Variants in APOBEC3B observed in about 807,000 individuals in gnomAD.
APOBEC3B encodes DNA dC->dU-editing enzyme APOBEC-3B.
APOBEC3B carries 29 observed loss-of-function variants against 53.4 expected under a neutral mutation model. The observed-to-expected ratio is 0.54, with a 90% confidence interval of 0.40 to 0.74. The LOEUF (loss-of-function observed/expected upper bound fraction) is 0.74, where lower values mean the gene tolerates loss of function less well. Ranked by LOEUF, APOBEC3B falls within the 30% of genes least tolerant of loss-of-function variation. The pLI, the probability that APOBEC3B is intolerant of heterozygous loss-of-function variation, is 0.00. For missense variants in APOBEC3B, 347 were observed against 496.2 expected (o/e 0.70, Z 2.86); for synonymous variants, 132 against 184.8 (o/e 0.71, Z 2.32).
chr22:38,983,859 C>T (rs181462591), intron 1 of APOBEC3B, among the ~76,000 whole-genome samples: 2 of 148,144 alleles, frequency 1.4e-5, no homozygotes, highest in Admixed American at 6.9e-5. Flanking sequence ...AGAGTTGGAC[C>T]CGAGCTGGGA....
rs546959906 is a variant in APOBEC3B at position 38,983,646 on chromosome 22, C to A, written c.18-429C>A. On this transcript the variant is annotated intron_variant, in intron 1 of 7. Transcript: ENST00000333467. ...ACCCGCTCAGCACTTAGAAGAGTGG[C>A]CTGGGCCTCAGAATTCAGTTCTACC... 1.3e-3 allele frequency among the ~76,000 whole-genome samples: 194 copies of A among 149,270 alleles called. 12 individuals carry two copies. The highest frequency in any genetic ancestry group is 4.6e-3 in the African/African-American group (189 of 41,104).
At position 38,991,327 on chromosome 22, in the gene APOBEC3B, T is replaced by C. The variant is rs758237218; in HGVS notation, c.724-5T>C. ...CATCACCTCACACTCTGTTTCCTTT[T>C]CTAGGCTAAGAATCTTCTCTGTGGC... On this transcript the variant is annotated splice_region_variant and splice_polypyrimidine_tract_variant and intron_variant, in intron 5 of 7. Transcript: ENST00000333467. The C allele has an allele frequency of 6.8e-7, 1 of 1,476,226 alleles. No individual in the cohort carries two copies. Among genetic ancestry groups the C allele is most frequent in the African/African-American group, 1.4e-5 (1 of 72,766 alleles). The allele number at this position is 1,476,226 out of a possible 1,614,324, so 91.4% of individuals were successfully genotyped here. A position where few individuals can be genotyped will look rare whatever the true frequency, so the allele number is the denominator to read the frequency against.
chr22:38,984,030 C>G, intron 1 of APOBEC3B, 45 bp from the exon 2 acceptor site: 1 of 1,565,180 alleles, frequency 6.4e-7, no homozygotes, highest in Non-Finnish European at 8.6e-7. Context: ...CGAGGACTCC[C>G]GGGAGGGCTC....
Position 38,983,671 on chromosome 22 carries a change from C to T in APOBEC3B, c.18-404C>T, listed in dbSNP as rs192418256. Among the ~76,000 whole-genome samples the T allele has an allele frequency of 9.4e-4, 140 of 149,324 alleles. 12 individuals carry two copies. The highest frequency in any genetic ancestry group is 3.3e-3 in the African/African-American group (137 of 41,138). On this transcript the variant is annotated intron_variant, in intron 1 of 7. Coordinates refer to ENST00000333467, the MANE Select transcript of APOBEC3B (RefSeq NM_004900.5). ...CCTGGGCCTCAGAATTCAGTTCTAC[C>T]ATGATTTTAAAATAATGTTAACACG...
At chr22:38,991,280 C>A (rs4821851) in intron 5 of APOBEC3B, 52 bp from the exon 6 acceptor site, 1 of 1,288,610 alleles carries the variant, frequency 7.8e-7, no homozygotes, top group Non-Finnish European at 1.1e-6. Context: ...CTGGTCCAGG[C>A]GCTCCCTCCC....
rs990892972 is a variant in APOBEC3B, at chr22:38,985,160, A to G, written c.175-652A>G. Among the ~76,000 whole-genome samples, 36 of 148,190 alleles carry G rather than the reference A, an allele frequency of 2.4e-4. 1 individual carries two copies. The highest frequency in any genetic ancestry group is 8.6e-4 in the African/African-American group (35 of 40,726). On this transcript the variant is annotated intron_variant, in intron 2 of 7. Transcript: ENST00000333467. ...GGTGAGTCACCTGCCTTGGCCTCCC[A>G]AAGTGCTGGGGTTACAAGCATGAGT...
Position 38,986,393 on chromosome 22 carries a change from A to G in APOBEC3B, c.550A>G (p.Thr184Ala). The part of the protein sequence containing the change: ...FDENYAFLHR[T>A]LKEILRYLMD... ...TGAAAATTATGCATTCCTGCACCGC[A>G]CGCTAAAGGAGATTCTCAGGTGAGG... is the stretch of plus-strand genomic sequence containing the variant. Residue 184 changes from threonine (T) to alanine (A), a missense_variant, in exon 4 of 8, where the codon ACG becomes GCG. Physicochemically the swap from Thr to Ala is moderately conservative, Grantham distance 58. Around this residue, in one of 5 missense-constraint regions of APOBEC3B, gnomAD observed 156 missense variants for 166.7 expected, o/e 0.94. Coordinates refer to ENST00000333467, the MANE Select transcript of APOBEC3B (RefSeq NM_004900.5). 6.3e-7 allele frequency: 1 copy of G among 1,593,558 alleles called. No homozygotes were observed. The highest frequency in any genetic ancestry group is 8.5e-7 in the Non-Finnish European group (1 of 1,172,440).
At position 38,986,038 on chromosome 22, in the gene APOBEC3B, C is replaced by T. The variant is rs751320407; in HGVS notation, c.401C>T (p.Ala134Val). Residue 134 changes from alanine (A) to valine (V), a missense_variant, in exon 3 of 8, where the codon GCG becomes GTG. Physicochemically the swap from Ala to Val is moderately conservative, Grantham distance 64. Transcript: ENST00000333467. ...TACTGGGAAAGAGATTACCGAAGGG[C>T]GCTCTGCAGGCTGAGTCAGGCAGGA... Reference protein sequence around the residue: ...YYYWERDYRRALCRLSQAGAR... With the variant: ...YYYWERDYRRVLCRLSQAGAR... The T allele has an allele frequency of 1.2e-5, 19 of 1,592,948 alleles. No individual in the cohort carries two copies. Among genetic ancestry groups the T allele is most frequent in the Middle Eastern group, 1.7e-4 (1 of 5,996 alleles).
chr22:38,990,342 C>T (rs1317284901), intron 5 of APOBEC3B, among the ~76,000 whole-genome samples: 1 of 147,364 alleles, frequency 6.8e-6, no homozygotes, highest in African/African-American at 2.5e-5. Flanking sequence ...GTGGGACTCC[C>T]CCAGGAATGA....
At position 38,986,305 on chromosome 22, in the gene APOBEC3B, A is replaced by G. The variant is rs753769259; in HGVS notation, c.462A>G (p.Ala154=). ...RVTIMDYEEF[A]YCWENFVYNE... ...CCCGCTTCTTCATCTCAGAATTTGC[A>G]TACTGCTGGGAAAACTTTGTGTACA... Residue 154 remains alanine (A), a synonymous_variant, in exon 4 of 8, where the codon GCA becomes GCG. Coordinates refer to ENST00000333467, the MANE Select transcript of APOBEC3B (RefSeq NM_004900.5). 1.1e-5 allele frequency: 18 copies of G among 1,593,400 alleles called. No homozygotes were observed. The highest frequency in any genetic ancestry group is 3.3e-4 in the Middle Eastern group (2 of 6,018).
At chr22:38,989,314 C>G in intron 4 of APOBEC3B, 143 bp from the exon 5 acceptor site, 1 of 715,260 alleles carries the variant, frequency 1.4e-6, no homozygotes, top group South Asian at 2.5e-5. Context: ...TCAGTGGCCC[C>G]CACAAAGGGA....
intron 5 of APOBEC3B, among the ~76,000 whole-genome samples, chr22:38,989,961 C>A (rs1923925366): frequency 6.7e-6 from 1 of 148,874 alleles, no homozygotes; most frequent in South Asian, 2.2e-4. Context: ...TGGGCTTCAT[C>A]CTGCGGAGAG....
chr22:38,987,437 C>A (rs1197950653), intron 4 of APOBEC3B, among the ~76,000 whole-genome samples: 1 of 148,624 alleles, frequency 6.7e-6, no homozygotes, highest in Non-Finnish European at 1.5e-5. Flanking sequence ...CTGAAAGTCA[C>A]CGCTGGGCTG....
chr22:38,992,522 C>G lies in APOBEC3B; in HGVS notation c.*77C>G. 1 of 1,598,636 alleles carries G rather than the reference C, an allele frequency of 6.3e-7. No homozygotes were observed. The highest frequency in any genetic ancestry group is 1.1e-5 in the South Asian group (1 of 89,848). On this transcript the variant is annotated 3_prime_UTR_variant, in exon 8 of 8. Coordinates refer to ENST00000333467, the MANE Select transcript of APOBEC3B (RefSeq NM_004900.5). Reference sequence around the variant, plus strand: ...ATAAAAGATCTTCTTCCAAGAAATGCAAACAGACCGTTCACCACCATCTCC... The same window carrying G: ...ATAAAAGATCTTCTTCCAAGAAATGGAAACAGACCGTTCACCACCATCTCC...
intron 1 of APOBEC3B, among the ~76,000 whole-genome samples, chr22:38,983,047 G>C (rs1923595159): frequency 6.7e-6 from 1 of 148,316 alleles, no homozygotes; most frequent in Non-Finnish European, 1.5e-5. Flanking sequence ...GGTTGAGCGT[G>C]GTGGCTCACA....
In APOBEC3B at chr22:38,986,472, C is replaced by G. The variant is rs536541061; in HGVS notation, c.569+60C>G. On this transcript the variant is annotated intron_variant, in intron 4 of 7. Coordinates refer to ENST00000333467, the MANE Select transcript of APOBEC3B (RefSeq NM_004900.5). ...CTCTCACCTGCTCATCCTCCTGAGG[C>G]CTCCGTTGGCCTGGCCCTCCCGCCC... 21 of 1,549,806 alleles carry G rather than the reference C, an allele frequency of 1.4e-5. 1 individual carries two copies. Among genetic ancestry groups the G allele is most frequent in the Non-Finnish European group, 1.7e-5 (20 of 1,144,282 alleles).
intron 4 of APOBEC3B, among the ~76,000 whole-genome samples, chr22:38,988,748 C>CCTTCTTTCTTTCTTTCTTT (rs1923870869): frequency 1.5e-5 from 1 of 65,900 alleles, no homozygotes; most frequent in Non-Finnish European, 3.1e-5. Context: ...TTTCTTTCTT[C>CCTTCTTTCTTTCTTTCTTT]CTTTCTTCTC....
At chr22:38,989,668 A>G in intron 5 of APOBEC3B, 58 bp downstream of exon 5, 1 of 1,467,482 alleles carries the variant, frequency 6.8e-7, no homozygotes, top group Non-Finnish European at 9.2e-7. Flanking sequence ...GGACACTCAT[A>G]GATAGAAGGT....
Position 38,992,586 on chromosome 22 carries a change from T to C in APOBEC3B, c.*141T>C. On this transcript the variant is annotated 3_prime_UTR_variant, in exon 8 of 8. Transcript: ENST00000333467. ...CACCAGCAAAGCAATGTGCTCCTGA[T>C]CAAGTAGATTTTTTAAAAATCAGAG... 1 of 1,565,886 alleles carries C rather than the reference T, an allele frequency of 6.4e-7. No individual in the cohort carries two copies. The highest frequency in any genetic ancestry group is 8.7e-7 in the Non-Finnish European group (1 of 1,154,900).
Sources: allele counts gnomAD v4.1 joint callset (sites outside exome capture counted in the v4.1 genomes callset), GRCh38; gene constraint gnomAD v4.1.1; regional missense constraint gnomAD v4.1.1; transcripts MANE v1.5; gene names NCBI Gene and HGNC (gene_info 2026-07-23, HGNC 2026-07-21).